Variants in TTLL4 observed in about 807,000 individuals in gnomAD.
The protein encoded by TTLL4 is tubulin monoglutamylase TTLL4.
TTLL4 carries 85 observed loss-of-function variants against 122.7 expected under a neutral mutation model. That is an observed-to-expected ratio of 0.69 (90% CI 0.58 to 0.83). The LOEUF (loss-of-function observed/expected upper bound fraction) is 0.83. TTLL4 is among the 40% of genes least tolerant of loss of function. The pLI is 0.00. For synonymous variants in TTLL4, 553 were observed against 563.0 expected (o/e 0.98, Z 0.25); for missense variants, 1,363 against 1,488.6 (o/e 0.92, Z 1.39).
chr2:218,743,365 T>C (rs554547041), intron 5 of TTLL4, among the ~76,000 whole-genome samples: 1 of 152,348 alleles, frequency 6.6e-6, no homozygotes, highest in Non-Finnish European at 1.5e-5. Context: ...GGTTGTTGCA[T>C]GTATTAATAG....
Position 218,748,156 on chromosome 2 carries a change from C to A in TTLL4, c.2430C>A (p.Asn810Lys), listed in dbSNP as rs775727736. ...GCAATAAGTTCATGCACCTGACCAA[C>A]TACAGTGTCAATAAAAAGAATGCCG... is the stretch of plus-strand genomic sequence containing the variant. ...SLGNKFMHLT[N>K]YSVNKKNAEY... Residue 810 changes from asparagine to lysine, a missense_variant, in exon 12 of 20, where the codon AAC (asparagine) becomes AAA (lysine). Physicochemically the swap from Asn to Lys is moderately conservative, Grantham distance 94. Coordinates refer to ENST00000392102, the MANE Select transcript of TTLL4 (RefSeq NM_014640.5). 44 of 1,614,040 alleles carry A rather than the reference C, an allele frequency of 2.7e-5. No homozygotes were observed. Among genetic ancestry groups the A allele is most frequent in the Non-Finnish European group, 3.5e-5 (41 of 1,180,032 alleles).
At position 218,747,098 on chromosome 2, in the gene TTLL4, C is replaced by T; in HGVS notation, c.2070C>T (p.Phe690=). 1 of 1,614,210 alleles carries T rather than the reference C, an allele frequency of 6.2e-7. No individual in the cohort carries two copies. The highest frequency in any genetic ancestry group is 1.1e-5 in the South Asian group (1 of 91,082). The stretch of plus-strand genomic sequence containing the variant: ...AGAGCCGCTTTGGCAAGAAGGAGTT[C>T]AGTTTCTTCCCCCAGTCCTTTATCC... ...RMQSRFGKKE[F]SFFPQSFILP... is the part of the protein sequence containing the mutation. The change falls in exon 9 of 20, where the codon TTC becomes TTT. Residue 690 remains phenylalanine, a synonymous_variant. Coordinates refer to ENST00000392102, the MANE Select transcript of TTLL4 (RefSeq NM_014640.5). The surrounding 1 kb of genome is among the most constrained non-coding windows in gnomAD (Gnocchi z 4.7).
At chr2:218,721,348 G>T (rs541545020) in intron 1 of TTLL4, among the ~76,000 whole-genome samples, 1 of 152,186 alleles carries the variant, frequency 6.6e-6, no homozygotes, top group Admixed American at 6.5e-5. Context: ...GGGATTACAG[G>T]TGTGCGTCAC....
chr2:218,749,158 C>T, intron 13 of TTLL4, 95 bp from the exon 14 acceptor site: 1 of 1,545,694 alleles, frequency 6.5e-7, no homozygotes. Flanking sequence ...GTTGCTTCTG[C>T]CTGCCTATCT....
chr2:218,741,410 C>A (rs1942698172), intron 5 of TTLL4, among the ~76,000 whole-genome samples: 1 of 152,174 alleles, frequency 6.6e-6, no homozygotes, highest in Admixed American at 6.5e-5. Flanking sequence ...TTGCATCAAC[C>A]CTGCCTTAGA....
At position 218,749,257 on chromosome 2, in the gene TTLL4, G is replaced by A; in HGVS notation, c.2605G>A (p.Glu869Lys). The A allele has an allele frequency of 6.2e-7, 1 of 1,614,128 alleles. No individual in the cohort carries two copies. Among genetic ancestry groups the A allele is most frequent in the Non-Finnish European group, 8.5e-7 (1 of 1,180,016 alleles). Residue 869 changes from glutamate (E) to lysine (K), a missense_variant, in exon 14 of 20, where the codon GAG becomes AAG. Glu to Lys is a moderately conservative substitution (Grantham distance 56). This residue lies in a region of TTLL4 where 596 missense variants were observed against 655.8 expected (regional missense o/e 0.91). Transcript: ENST00000392102. ...CTTCCTCATCCCCATGACCAGGTCA[G>A]AGCCCTATGTGACCAGCCTGCTCAA... ...DVVVKTIISS[E>K]PYVTSLLKMY...
intron 16 of TTLL4, among the ~76,000 whole-genome samples, chr2:218,752,242 T>C (rs1333743824): frequency 6.6e-6 from 1 of 152,214 alleles, no homozygotes; most frequent in Non-Finnish European, 1.5e-5. Flanking sequence ...GGTTTCTTAA[T>C]CCAGGCCTGT....
chr2:218,729,160 C>A (rs1478426737), intron 2 of TTLL4, among the ~76,000 whole-genome samples: 1 of 152,090 alleles, frequency 6.6e-6, no homozygotes, highest in Non-Finnish European at 1.5e-5. Context: ...TCTCGAACTC[C>A]TGGCCTCAGG....
chr2:218,711,081 C>T (rs1016469266), intron 1 of TTLL4, 44 bp downstream of exon 1: 1 of 152,514 alleles, frequency 6.6e-6, no homozygotes, highest in Admixed American at 6.5e-5. Flanking sequence ...CCAGACACTC[C>T]GCCGGTCCCA....
chr2:218,739,195 G>A (rs778255726), intron 3 of TTLL4, 32 bp downstream of exon 3: 8 of 1,587,564 alleles, frequency 5.0e-6, no homozygotes, highest in Non-Finnish European at 6.8e-6. Context: ...TTCATTTAGA[G>A]CAGTAGAATG....
chr2:218,739,920 A>T, intron 3 of TTLL4, 138 bp from the exon 4 acceptor site: 1 of 708,242 alleles, frequency 1.4e-6, no homozygotes, highest in Non-Finnish European at 2.4e-6. Flanking sequence ...AAAAGAAATG[A>T]GTTGTGAGGT....
At chr2:218,723,782 C>G (rs1297113079) in intron 1 of TTLL4, among the ~76,000 whole-genome samples, 4 of 151,914 alleles carry the variant, frequency 2.6e-5, no homozygotes, top group Non-Finnish European at 4.4e-5. Flanking sequence ...AAGTGTCAAG[C>G]TCATTAAAGA....
At position 218,745,093 on chromosome 2, in the gene TTLL4, T is replaced by C; in HGVS notation, c.1662-16T>C. ...CTTTTTCCCTTTCTCTACTCCATGT[T>C]TGTTTTTCGTCTTAGAAGCTGTATG... On this transcript the variant is annotated splice_polypyrimidine_tract_variant and intron_variant, in intron 5 of 19. Transcript: ENST00000392102. 1 of 1,613,792 alleles carries C rather than the reference T, an allele frequency of 6.2e-7. No homozygotes were observed. Among genetic ancestry groups the C allele is most frequent in the Non-Finnish European group, 8.5e-7 (1 of 1,179,694 alleles).
intron 14 of TTLL4, among the ~76,000 whole-genome samples, chr2:218,749,626 C>G (rs1942962722): frequency 6.6e-6 from 1 of 152,156 alleles, no homozygotes; most frequent in South Asian, 2.1e-4. Flanking sequence ...CACCACCACA[C>G]CCAGCTAATT....
intron 1 of TTLL4, among the ~76,000 whole-genome samples, chr2:218,716,332 G>A (rs1457427526): frequency 3.3e-5 from 5 of 152,110 alleles, no homozygotes; most frequent in East Asian, 3.9e-4. Flanking sequence ...TAAACATGGC[G>A]TTCCACAGAA....
At chr2:218,716,087 C>A (rs192126444) in intron 1 of TTLL4, among the ~76,000 whole-genome samples, 4 of 152,310 alleles carry the variant, frequency 2.6e-5, no homozygotes, top group Admixed American at 1.3e-4. Flanking sequence ...AATCATATCA[C>A]CACAATCTCT....
At chr2:218,720,621 C>T (rs1260559585) in intron 1 of TTLL4, among the ~76,000 whole-genome samples, 1 of 150,768 alleles carries the variant, frequency 6.6e-6, no homozygotes, top group African/African-American at 2.5e-5. Context: ...TTGCAGCGAG[C>T]CGAGATCGTA....
At chr2:218,716,614 C>T (rs933590003) in intron 1 of TTLL4, among the ~76,000 whole-genome samples, 1 of 152,120 alleles carries the variant, frequency 6.6e-6, no homozygotes, top group Non-Finnish European at 1.5e-5. Flanking sequence ...ACGGTGAAAC[C>T]CTGTCTCTAC....
chr2:218,748,686 A>G (rs1297258661), intron 12 of TTLL4, 150 bp from the exon 13 acceptor site: 3 of 542,728 alleles, frequency 5.5e-6, no homozygotes, highest in East Asian at 3.4e-5. Flanking sequence ...GAATTGGTCT[A>G]TTTGCATCCA....
Sources: allele counts gnomAD v4.1 joint callset (sites outside exome capture counted in the v4.1 genomes callset), GRCh38; gene constraint gnomAD v4.1.1; regional missense constraint gnomAD v4.1.1; non-coding constraint Gnocchi (gnomAD v3.1); transcripts MANE v1.5; gene names NCBI Gene and HGNC (gene_info 2026-07-23, HGNC 2026-07-21).